Variants in SLC24A3 observed in about 807,000 individuals in gnomAD.
The protein encoded by SLC24A3 is sodium/potassium/calcium exchanger 3.
A neutral mutation model predicts 75.8 loss-of-function variants in SLC24A3; 28 were observed. The ratio of observed to expected loss-of-function variants is 0.37; its 90% confidence interval spans 0.27 to 0.51. The LOEUF is 0.51. Among genes scored for constraint, SLC24A3 ranks in the 20% least tolerant of loss-of-function variants. SLC24A3 has a pLI of 0.94. For synonymous variants in SLC24A3, 372 were observed against 334.1 expected, an observed-to-expected ratio of 1.11 and a Z score of -1.24; for missense variants, 663 against 847.8, an observed-to-expected ratio of 0.78 and a Z score of 2.71.
At chr20:19,675,007 GC>G (rs1232610114) in intron 9 of SLC24A3, among the ~76,000 whole-genome samples, 3 of 152,142 alleles carry the variant, frequency 2.0e-5, no homozygotes, top group Non-Finnish European at 2.9e-5. Context: ...CTGAGATCGC[GC>G]CACCACTCCA....
chr20:19,640,960 T>A (rs1363881240), intron 6 of SLC24A3, among the ~76,000 whole-genome samples: 1 of 152,224 alleles, frequency 6.6e-6, no homozygotes, highest in Non-Finnish European at 1.5e-5. Context: ...AATATTTTAT[T>A]ATGTCAGGTG....
At chr20:19,219,664 A>G (rs2122130003) in intron 1 of SLC24A3, among the ~76,000 whole-genome samples, 1 of 152,352 alleles carries the variant, frequency 6.6e-6, no homozygotes, top group South Asian at 2.1e-4. Context: ...TAGGCAAAAG[A>G]TGCAGACAGG....
intron 2 of SLC24A3, among the ~76,000 whole-genome samples, chr20:19,498,158 C>G (rs1179050205): frequency 1.3e-5 from 2 of 152,138 alleles, no homozygotes; most frequent in African/African-American, 4.8e-5. Flanking sequence ...CTCATCACCC[C>G]CAGATGGGAC....
At chr20:19,552,602 A>G (rs1429181027) in intron 3 of SLC24A3, among the ~76,000 whole-genome samples, 1 of 152,212 alleles carries the variant, frequency 6.6e-6, no homozygotes, top group Admixed American at 6.5e-5. Context: ...GGCTCCAGCA[A>G]GGAGGCTGAA....
intron 2 of SLC24A3, among the ~76,000 whole-genome samples, chr20:19,511,454 G>GA (rs1327610635): frequency 2.6e-5 from 4 of 151,596 alleles, no homozygotes; most frequent in African/African-American, 9.7e-5. Context: ...CAGCCTCCCA[G>GA]GTAGCTGGGA....
At chr20:19,308,205 A>G (rs1984375718) in intron 2 of SLC24A3, among the ~76,000 whole-genome samples, 1 of 152,226 alleles carries the variant, frequency 6.6e-6, no homozygotes, top group Non-Finnish European at 1.5e-5. Context: ...GAGGTTTTCT[A>G]ACGGACTCAT....
intron 4 of SLC24A3, among the ~76,000 whole-genome samples, chr20:19,581,417 G>A (rs1210530377): frequency 1.3e-5 from 2 of 152,166 alleles, no homozygotes; most frequent in Non-Finnish European, 2.9e-5. Context: ...TTGTCAGCAT[G>A]TGTTCTACTC....
At chr20:19,669,228 A>C (rs1472771258) in intron 8 of SLC24A3, among the ~76,000 whole-genome samples, 2 of 152,208 alleles carry the variant, frequency 1.3e-5, no homozygotes, top group Middle Eastern at 3.2e-3. Flanking sequence ...TCGGCAGGTC[A>C]TGGTGGCTCA....
intron 2 of SLC24A3, among the ~76,000 whole-genome samples, chr20:19,417,437 ACAAGATGT>A (rs1233710423): frequency 1.3e-5 from 2 of 152,336 alleles, no homozygotes; most frequent in East Asian, 3.9e-4. Flanking sequence ...ACTCAGTTGT[ACAAGATGT>A]CAAGTGGATG....
chr20:19,382,543 C>T (rs1345545409), intron 2 of SLC24A3, among the ~76,000 whole-genome samples: 2 of 152,144 alleles, frequency 1.3e-5, no homozygotes, highest in Non-Finnish European at 2.9e-5. Context: ...TGTGAATTTA[C>T]TTGTCCTTCC....
At chr20:19,690,693 G>T (rs2032734954) in intron 12 of SLC24A3, among the ~76,000 whole-genome samples, 1 of 152,146 alleles carries the variant, frequency 6.6e-6, no homozygotes, top group Non-Finnish European at 1.5e-5. Context: ...CAAAGAGCTG[G>T]CCATATCCTG....
chr20:19,216,965 G>A (rs1169347570), intron 1 of SLC24A3, among the ~76,000 whole-genome samples: 1 of 152,200 alleles, frequency 6.6e-6, no homozygotes, highest in Admixed American at 6.5e-5. Context: ...CCTCTCCCAT[G>A]CCTGGGGTCG....
intron 2 of SLC24A3, among the ~76,000 whole-genome samples, chr20:19,397,266 T>C (rs1304566704): frequency 6.6e-6 from 1 of 152,238 alleles, no homozygotes; most frequent in Non-Finnish European, 1.5e-5. Context: ...CAAAATTTCT[T>C]CCACAATCCA....
At chr20:19,526,573 G>T (rs1212823058) in intron 3 of SLC24A3, among the ~76,000 whole-genome samples, 2 of 152,102 alleles carry the variant, frequency 1.3e-5, no homozygotes, top group Non-Finnish European at 2.9e-5. Context: ...TCAAAATTTA[G>T]CTCTACCAAC....
chr20:19,613,866 A>G (rs2031702566), intron 6 of SLC24A3, among the ~76,000 whole-genome samples: 5 of 152,344 alleles, frequency 3.3e-5, no homozygotes, highest in Admixed American at 3.3e-4. Context: ...ATGTTTGAAC[A>G]GCTCCAGTCT....
At chr20:19,301,723 T>G (rs923023509) in intron 2 of SLC24A3, among the ~76,000 whole-genome samples, 4 of 152,130 alleles carry the variant, frequency 2.6e-5, no homozygotes, top group African/African-American at 9.7e-5. Context: ...AGTCGCCCCC[T>G]TATGTGACAT....
At chr20:19,227,423 A>T (rs1457669480) in intron 1 of SLC24A3, among the ~76,000 whole-genome samples, 4 of 151,082 alleles carry the variant, frequency 2.6e-5, no homozygotes, top group Admixed American at 2.0e-4. Flanking sequence ...GAGGATTCTC[A>T]TGACATCTGG....
At chr20:19,486,344 G>A (rs1480524303) in intron 2 of SLC24A3, among the ~76,000 whole-genome samples, 1 of 152,236 alleles carries the variant, frequency 6.6e-6, no homozygotes, top group Non-Finnish European at 1.5e-5. Context: ...GAACTGTGGT[G>A]TGTCTTGATG....
chr20:19,272,138 G>A (rs990996417), intron 1 of SLC24A3, among the ~76,000 whole-genome samples: 1 of 152,226 alleles, frequency 6.6e-6, no homozygotes, highest in East Asian at 1.9e-4. Flanking sequence ...CCAGCCACTG[G>A]GGGTGGAAAC....
Sources: allele counts gnomAD v4.1 joint callset (sites outside exome capture counted in the v4.1 genomes callset), GRCh38; gene constraint gnomAD v4.1.1; transcripts MANE v1.5; gene names NCBI Gene and HGNC (gene_info 2026-07-23, HGNC 2026-07-21).